Variants in KCNIP4 observed in about 807,000 individuals in gnomAD.
KCNIP4 encodes potassium voltage-gated channel interacting protein 4.
Under a neutral mutation model 34.0 loss-of-function variants are expected in KCNIP4, and 12 were observed. The ratio of observed to expected loss-of-function variants is 0.35; its 90% CI spans 0.23 to 0.57. The LOEUF is 0.57. KCNIP4 is among the 20% of genes least tolerant of loss of function. The probability of loss-of-function intolerance (pLI) is 0.83; values close to 1 mark genes in which losing one functional copy is unlikely to be tolerated. For synonymous variants in KCNIP4, 124 were observed against 102.2 expected (o/e 1.21, Z -1.29); for missense variants, 238 against 311.7 (o/e 0.76, Z 1.78).
intron 1 of KCNIP4, among the ~76,000 whole-genome samples, chr4:21,245,358 C>G (rs28420737): frequency 0.22 from 32,847 of 152,082 alleles, 6,045 homozygotes; most frequent in African/African-American, 0.5. Flanking sequence ...AAGAATTTTA[C>G]TTGCTCATTT....
chr4:21,548,298 C>A (rs1255893538), intron 1 of KCNIP4, among the ~76,000 whole-genome samples: 1 of 151,978 alleles, frequency 6.6e-6, no homozygotes, highest in African/African-American at 2.4e-5. Context: ...TTTGTGATTT[C>A]TTTTGTTAAA....
intron 3 of KCNIP4, among the ~76,000 whole-genome samples, chr4:20,785,207 C>T (rs1711797840): frequency 6.6e-6 from 1 of 152,072 alleles, no homozygotes; most frequent in Non-Finnish European, 1.5e-5. Flanking sequence ...AGACAAGTAC[C>T]AGTCTATGAG....
At chr4:21,223,075 G>T (rs1758097066) in intron 1 of KCNIP4, among the ~76,000 whole-genome samples, 1 of 152,162 alleles carries the variant, frequency 6.6e-6, no homozygotes, top group South Asian at 2.1e-4. Context: ...ATAACTTTGT[G>T]AGTGTGACTA....
At chr4:20,765,808 T>C (rs1186484371) in intron 3 of KCNIP4, among the ~76,000 whole-genome samples, 2 of 152,194 alleles carry the variant, frequency 1.3e-5, no homozygotes, top group Non-Finnish European at 2.9e-5. Flanking sequence ...CATAGATTTG[T>C]CTGTTGGTGA....
At chr4:21,032,306 A>T (rs909763284) in intron 1 of KCNIP4, among the ~76,000 whole-genome samples, 3 of 152,076 alleles carry the variant, frequency 2.0e-5, no homozygotes, top group Admixed American at 6.6e-5. Flanking sequence ...TCAATACCCA[A>T]TGGGGGTGTT....
chr4:21,535,502 A>AT (rs973108055), intron 1 of KCNIP4, among the ~76,000 whole-genome samples: 19 of 151,802 alleles, frequency 1.3e-4, no homozygotes, highest in African/African-American at 2.9e-4. Flanking sequence ...ATGTTTCTAT[A>AT]TTTTTTTTGC....
At chr4:21,159,188 A>G (rs1753390835) in intron 1 of KCNIP4, among the ~76,000 whole-genome samples, 1 of 152,200 alleles carries the variant, frequency 6.6e-6, no homozygotes, top group East Asian at 1.9e-4. Context: ...AGTTGGAGGA[A>G]TAACAGTGCC....
intron 3 of KCNIP4, among the ~76,000 whole-genome samples, chr4:20,830,917 A>T (rs1718349162): frequency 1.3e-5 from 2 of 152,220 alleles, no homozygotes; most frequent in African/African-American, 4.8e-5. Flanking sequence ...ATCTGAATTG[A>T]GAGGCAGACA....
At chr4:21,436,932 C>A (rs1186717969) in intron 1 of KCNIP4, among the ~76,000 whole-genome samples, 6 of 152,168 alleles carry the variant, frequency 3.9e-5, no homozygotes, top group Non-Finnish European at 2.9e-5. Context: ...ACTGTGCCAT[C>A]GTTTTACAAA....
At chr4:21,156,587 T>G (rs1753159929) in intron 1 of KCNIP4, among the ~76,000 whole-genome samples, 1 of 152,178 alleles carries the variant, frequency 6.6e-6, no homozygotes, top group Admixed American at 6.6e-5. Context: ...CTACTGTAAC[T>G]AACACAGTAG....
intron 1 of KCNIP4, among the ~76,000 whole-genome samples, chr4:21,252,515 A>C (rs1760786629): frequency 6.6e-6 from 1 of 152,092 alleles, no homozygotes; most frequent in Admixed American, 6.6e-5. Context: ...ATGAAATGTG[A>C]TGAGAAAGTG....
intron 1 of KCNIP4, among the ~76,000 whole-genome samples, chr4:21,102,031 C>A (rs1189952402): frequency 6.6e-6 from 1 of 152,074 alleles, no homozygotes; most frequent in Non-Finnish European, 1.5e-5. Flanking sequence ...CAAGAATGAG[C>A]CTGGTGATTC....
chr4:21,820,069 T>TA (rs1489208328), intron 1 of KCNIP4, among the ~76,000 whole-genome samples: 1 of 151,840 alleles, frequency 6.6e-6, no homozygotes, highest in African/African-American at 2.4e-5. Flanking sequence ...TTCACTCTAT[T>TA]AGTTTGGGTT....
At chr4:21,311,999 C>T (rs766443222) in intron 1 of KCNIP4, among the ~76,000 whole-genome samples, 7 of 152,078 alleles carry the variant, frequency 4.6e-5, no homozygotes, top group Admixed American at 2.6e-4. Flanking sequence ...AGTTCCATGA[C>T]TAGACAATAT....
At chr4:21,710,651 A>G (rs2109075915) in intron 1 of KCNIP4, among the ~76,000 whole-genome samples, 1 of 152,308 alleles carries the variant, frequency 6.6e-6, no homozygotes, top group South Asian at 2.1e-4. Context: ...GAGGCAGTGG[A>G]ATGAGCCCTG....
At chr4:20,778,990 G>A (rs889762461) in intron 3 of KCNIP4, among the ~76,000 whole-genome samples, 4 of 152,124 alleles carry the variant, frequency 2.6e-5, no homozygotes, top group African/African-American at 9.7e-5. Context: ...AAAAGAGGAA[G>A]AGACAGGGAG....
intron 1 of KCNIP4, among the ~76,000 whole-genome samples, chr4:20,911,893 C>T (rs1728362807): frequency 6.6e-6 from 1 of 152,126 alleles, no homozygotes; most frequent in South Asian, 2.1e-4. Context: ...GGAATTTTTG[C>T]CTTCAAATAA....
At chr4:21,290,901 A>C (rs1261839868) in intron 1 of KCNIP4, among the ~76,000 whole-genome samples, 3 of 152,230 alleles carry the variant, frequency 2.0e-5, no homozygotes, top group Non-Finnish European at 4.4e-5. Context: ...AGTCATTGTA[A>C]GCTAAGCACT....
At chr4:21,113,949 A>G (rs933228805) in intron 1 of KCNIP4, among the ~76,000 whole-genome samples, 2 of 152,198 alleles carry the variant, frequency 1.3e-5, no homozygotes, top group Non-Finnish European at 2.9e-5. Context: ...ATTTTGATCT[A>G]AAGCTAGAAT....
Sources: gnomAD v4.1 joint callset for allele counts (sites outside exome capture counted in the v4.1 genomes callset) on GRCh38, gnomAD v4.1.1 for gene constraint, MANE v1.5 for transcripts, NCBI Gene and HGNC (gene_info 2026-07-23, HGNC 2026-07-21) for gene names.